Variants in SLC2A12 observed in about 807,000 individuals in gnomAD.
SLC2A12 encodes the protein solute carrier family 2 member 12.
In SLC2A12, 23 loss-of-function variants were observed where a neutral mutation model predicts 41.8. The ratio of observed to expected loss-of-function variants is 0.55; its 90% CI spans 0.40 to 0.78. SLC2A12 has a LOEUF of 0.78. SLC2A12 is among the 30% of genes least tolerant of loss of function. The pLI is 0.00. For missense variants in SLC2A12, 654 were observed against 745.6 expected (o/e 0.88, Z 1.43); for synonymous variants, 295 against 285.9 (o/e 1.03, Z -0.32).
In SLC2A12 at chr6:133,991,211, C is replaced by T. The variant is rs759249219; in HGVS notation, c.1798G>A (p.Glu600Lys). 6 of 1,614,102 alleles carry T rather than the reference C, an allele frequency of 3.7e-6. No homozygotes were observed. Among genetic ancestry groups the T allele is most frequent in the Non-Finnish European group, 5.1e-6 (6 of 1,180,018 alleles). The change falls in exon 5 of 5, where the codon GAG becomes AAG. Residue 600 changes from glutamate (E) to lysine (K), a missense_variant. Transcript: ENST00000275230. ...CCCCTACCACACAGCTTGTTACACTCCAAGAGCTGCTCCTGGGGTTTTCTT... is the reference window on the plus strand; with the variant it reads ...CCCCTACCACACAGCTTGTTACACTTCAAGAGCTGCTCCTGGGGTTTTCTT... ...QKRKPQEQLL[E>K]CNKLCGRGQS...
intron 4 of SLC2A12, among the ~76,000 whole-genome samples, chr6:133,992,950 T>G (rs1178245914): frequency 6.6e-6 from 1 of 152,168 alleles, no homozygotes; most frequent in Non-Finnish European, 1.5e-5. Flanking sequence ...TTCACTTCAC[T>G]TCCATTTTGT....
intron 4 of SLC2A12, among the ~76,000 whole-genome samples, chr6:133,996,845 G>A (rs111298883): frequency 2.0e-5 from 3 of 152,092 alleles, no homozygotes; most frequent in African/African-American, 4.8e-5. Flanking sequence ...ACATTTCTCT[G>A]TTGGAAACCT....
intron 1 of SLC2A12, 59 bp from the exon 2 acceptor site, chr6:134,029,780 G>C: frequency 1.3e-6 from 2 of 1,519,172 alleles, no homozygotes; most frequent in Non-Finnish European, 1.8e-6. Context: ...TAAACATTTT[G>C]TATTTGAGCG....
At chr6:134,019,171 A>G (rs1466577400) in intron 2 of SLC2A12, among the ~76,000 whole-genome samples, 1 of 152,174 alleles carries the variant, frequency 6.6e-6, no homozygotes, top group Non-Finnish European at 1.5e-5. Flanking sequence ...ATTTATGGGC[A>G]TATTAATTTT....
chr6:133,987,821 T>TTAA lies in SLC2A12; in HGVS notation c.*3331_*3333dup, dbSNP rs1244940120. On this transcript the variant is annotated 3_prime_UTR_variant, in exon 5 of 5. Transcript: ENST00000275230. ...AAGGATAATGTTTTATGTTGCTAATTTAATATGATAGAAAATGTTAAATAA... is the reference window on the plus strand; with the variant it reads ...AAGGATAATGTTTTATGTTGCTAATTTAATAATATGATAGAAAATGTTAAATAA... The TTAA allele has an allele frequency of 3.9e-5, 6 of 152,496 alleles. No homozygotes were observed. The highest frequency in any genetic ancestry group is 1.4e-4 in the African/African-American group (6 of 41,426). 9.4% of individuals were successfully genotyped at this position (152,496 alleles called of 1,614,324 possible).
intron 4 of SLC2A12, 107 bp from the exon 5 acceptor site, chr6:133,991,415 T>G (rs902128245): frequency 4.1e-6 from 5 of 1,218,084 alleles, no homozygotes; most frequent in Middle Eastern, 2.8e-4. Context: ...GTTTTAGCTA[T>G]GCAAAAATAA....
chr6:134,019,417 C>G (rs748069640), intron 2 of SLC2A12, among the ~76,000 whole-genome samples: 4 of 152,150 alleles, frequency 2.6e-5, no homozygotes, highest in Non-Finnish European at 5.9e-5. Context: ...TGTGATTCTA[C>G]GTTGTGAAAG....
Position 134,029,257 on chromosome 6 carries a change from C to G in SLC2A12, c.568G>C (p.Ala190Pro). The change falls in exon 2 of 5, where the codon GCC becomes CCC. Residue 190 changes from alanine to proline, a missense_variant. Physicochemically the swap from Ala to Pro is conservative, Grantham distance 27 (BLOSUM62 -1). Transcript: ENST00000275230. ...LSAYISNYAF[A>P]NVFHGWKYMF... ...TACTTCCAGCCATGGAAAACATTGG[C>G]AAATGCGTAATTTGAAATATAGGCA... 1 of 1,614,144 alleles carries G rather than the reference C, an allele frequency of 6.2e-7. No homozygotes were observed. The highest frequency in any genetic ancestry group is 1.1e-5 in the South Asian group (1 of 91,082).
At chr6:133,999,093 C>G (rs1401939854) in intron 4 of SLC2A12, among the ~76,000 whole-genome samples, 1 of 152,128 alleles carries the variant, frequency 6.6e-6, no homozygotes. Flanking sequence ...CACAAGAGTT[C>G]TAGCCAATGC....
chr6:134,001,485 A>T (rs550863397), intron 4 of SLC2A12, among the ~76,000 whole-genome samples: 1 of 152,242 alleles, frequency 6.6e-6, no homozygotes, highest in Admixed American at 6.5e-5. Context: ...AAATTATTAC[A>T]TTACAAAAAA....
At chr6:134,017,453 GT>G (rs1228239936) in intron 2 of SLC2A12, among the ~76,000 whole-genome samples, 2 of 152,184 alleles carry the variant, frequency 1.3e-5, no homozygotes, top group Non-Finnish European at 2.9e-5. Flanking sequence ...TTGAGCCCCA[GT>G]TGTAGGCCAG....
chr6:133,998,446 G>T (rs1234380375), intron 4 of SLC2A12, among the ~76,000 whole-genome samples: 1 of 152,154 alleles, frequency 6.6e-6, no homozygotes, highest in African/African-American at 2.4e-5. Context: ...AGTAAGGGAG[G>T]CCTATATAGT....
intron 1 of SLC2A12, among the ~76,000 whole-genome samples, chr6:134,051,942 A>G (rs1324801686): frequency 6.6e-6 from 1 of 152,210 alleles, no homozygotes; most frequent in African/African-American, 2.4e-5. Context: ...AACTGGTTAC[A>G]CAGTGTCCAT....
intron 1 of SLC2A12, among the ~76,000 whole-genome samples, chr6:134,040,646 C>T (rs1425113261): frequency 1.3e-5 from 2 of 152,172 alleles, no homozygotes; most frequent in African/African-American, 2.4e-5. Flanking sequence ...ACAACCACAT[C>T]CATAGGCAGG....
At chr6:133,999,233 T>C (rs1776728145) in intron 4 of SLC2A12, among the ~76,000 whole-genome samples, 1 of 152,198 alleles carries the variant, frequency 6.6e-6, no homozygotes, top group Non-Finnish European at 1.5e-5. Context: ...GATGTAGAGC[T>C]GAATCTTCAA....
At chr6:134,022,558 GA>G (rs1167920170) in intron 2 of SLC2A12, among the ~76,000 whole-genome samples, 2 of 81,280 alleles carry the variant, frequency 2.5e-5, no homozygotes, top group South Asian at 3.2e-4. Flanking sequence ...GAAAAGAAAA[GA>G]AAAGAAAAGA....
At chr6:134,042,670 A>G (rs116775278) in intron 1 of SLC2A12, among the ~76,000 whole-genome samples, 1,537 of 152,202 alleles carry the variant, frequency 0.01, 34 homozygotes, top group African/African-American at 0.035. Flanking sequence ...AAGTTGATTT[A>G]TAAGAAACTC....
intron 1 of SLC2A12, among the ~76,000 whole-genome samples, chr6:134,033,674 C>G (rs1032230732): frequency 4.6e-5 from 7 of 152,148 alleles, no homozygotes; most frequent in African/African-American, 1.7e-4. Context: ...GCAGGGGAAT[C>G]AATGCCATAA....
In SLC2A12 at chr6:133,997,711, C is replaced by T. The variant is rs527345580; in HGVS notation, c.1700+4286G>A. On this transcript the variant is annotated intron_variant, in intron 4 of 4. Coordinates refer to ENST00000275230, the MANE Select transcript of SLC2A12 (RefSeq NM_145176.3). ...ACCTATTGGGTACTATGTTCACTAC[C>T]TGGGTGACAGAGTCATTCATACTCC... Among the ~76,000 whole-genome samples the T allele has an allele frequency of 1.2e-3, 185 of 152,232 alleles. 1 individual carries two copies. Among genetic ancestry groups the T allele is most frequent in the African/African-American group, 4.2e-3 (175 of 41,530 alleles).
Sources: allele counts gnomAD v4.1 joint callset (sites outside exome capture counted in the v4.1 genomes callset), GRCh38; gene constraint gnomAD v4.1.1; transcripts MANE v1.5; gene names NCBI Gene and HGNC (gene_info 2026-07-23, HGNC 2026-07-21).